The following NTRK2 variants were observed in gnomAD, a reference collection of about 807,000 sequenced individuals.
NTRK2 encodes the protein BDNF/NT-3 growth factors receptor.
NTRK2 carries 13 observed loss-of-function variants against 94.5 expected under a neutral mutation model. That is an observed-to-expected ratio of 0.14 (90% CI 0.09 to 0.22). The LOEUF (loss-of-function observed/expected upper bound fraction) is 0.22. Ranked by LOEUF, NTRK2 falls within the 10% of genes least tolerant of loss-of-function variation. The pLI, the probability that NTRK2 is intolerant of heterozygous loss-of-function variation, is 1.00. For missense variants in NTRK2, 639 were observed against 1,071.2 expected, an observed-to-expected ratio of 0.60 and a Z score of 5.63; for synonymous variants, 372 against 407.4, an observed-to-expected ratio of 0.91 and a Z score of 1.05.
intron 12 of NTRK2, among the ~76,000 whole-genome samples, chr9:84,842,063 T>C (rs2074215978): frequency 6.6e-6 from 1 of 152,190 alleles, no homozygotes; most frequent in Non-Finnish European, 1.5e-5. Context: ...CTCCAGAAGT[T>C]TGATGACACA....
At position 84,861,029 on chromosome 9, in the gene NTRK2, G is replaced by A; in HGVS notation, c.1397-11G>A. 1 of 1,612,648 alleles carries A rather than the reference G, an allele frequency of 6.2e-7. No homozygotes were observed. The highest frequency in any genetic ancestry group is 8.5e-7 in the Non-Finnish European group (1 of 1,179,120). Reference sequence around the variant, plus strand: ...TTCGAAGTTTATTTTATGTTTTGTTGTGGTTTTCAGATTTCTCATGGTTTG... The same window carrying A: ...TTCGAAGTTTATTTTATGTTTTGTTATGGTTTTCAGATTTCTCATGGTTTG... On this transcript the variant is annotated splice_polypyrimidine_tract_variant and intron_variant, in intron 12 of 18. Coordinates refer to ENST00000277120, the MANE Select transcript of NTRK2 (RefSeq NM_006180.6).
chr9:84,931,064 A>G (rs1402917720), intron 14 of NTRK2, among the ~76,000 whole-genome samples: 4 of 152,242 alleles, frequency 2.6e-5, no homozygotes, highest in Admixed American at 6.5e-5. Flanking sequence ...AGGCCCTGTC[A>G]GGAATACAAA....
intron 12 of NTRK2, among the ~76,000 whole-genome samples, chr9:84,769,292 T>G (rs1204912463): frequency 6.6e-6 from 1 of 152,184 alleles, no homozygotes; most frequent in Non-Finnish European, 1.5e-5. Context: ...ATATCTCACA[T>G]TTCTATAATC....
chr9:84,856,200 A>G (rs1291709030), intron 12 of NTRK2, among the ~76,000 whole-genome samples: 1 of 152,156 alleles, frequency 6.6e-6, no homozygotes, highest in Admixed American at 6.5e-5. Context: ...AGCCAAGTGA[A>G]AGTTGGTCAG....
In NTRK2 at chr9:84,698,136, T is replaced by C. The variant is rs148430998; in HGVS notation, c.213-4023T>C. ...ATGGTATAAATAGTTTCTGTGTATG[T>C]GTGTGTGTGTGTGTAACCCCAGACC... On this transcript the variant is annotated intron_variant, in intron 2 of 18. Transcript: ENST00000277120. Among the ~76,000 whole-genome samples the C allele has an allele frequency of 3.3e-5, 5 of 149,770 alleles. No individual in the cohort carries two copies. In the East Asian group the frequency reaches 9.7e-4, roughly 29 times the overall value.
Position 84,807,662 on chromosome 9 carries a change from GT to G in NTRK2, c.1397-53376del, listed in dbSNP as rs536664825. 2.6e-5 allele frequency among the ~76,000 whole-genome samples: 4 copies of G among 152,188 alleles called. No homozygotes were observed. In the South Asian group the frequency reaches 8.3e-4, roughly 32 times the overall value. On this transcript the variant is annotated intron_variant, in intron 12 of 18. Coordinates refer to ENST00000277120, the MANE Select transcript of NTRK2 (RefSeq NM_006180.6). Reference sequence around the variant, plus strand: ...AAACCCACAAGATGTTCAGCCATTTGTTGTGGTCTAAAAACTTTCCCCCTCA... The same window carrying G: ...AAACCCACAAGATGTTCAGCCATTTGTGTGGTCTAAAAACTTTCCCCCTCA...
intron 14 of NTRK2, among the ~76,000 whole-genome samples, chr9:84,870,632 A>G (rs1386824098): frequency 6.6e-6 from 1 of 151,888 alleles, no homozygotes; most frequent in Non-Finnish European, 1.5e-5. Context: ...GAATGCAGGC[A>G]TGAGCCCCAT....
At chr9:84,932,673 C>G (rs2132703775) in intron 14 of NTRK2, among the ~76,000 whole-genome samples, 1 of 152,228 alleles carries the variant, frequency 6.6e-6, no homozygotes, top group South Asian at 2.1e-4. Flanking sequence ...CGGTCTTAAC[C>G]TTGGGAGCTT....
At chr9:84,892,309 G>A (rs1359437534) in intron 14 of NTRK2, among the ~76,000 whole-genome samples, 1 of 152,150 alleles carries the variant, frequency 6.6e-6, no homozygotes, top group Non-Finnish European at 1.5e-5. Context: ...GATTGCCTTA[G>A]CTCTGTCTCT....
At chr9:84,790,877 G>T (rs928336215) in intron 12 of NTRK2, among the ~76,000 whole-genome samples, 6 of 152,166 alleles carry the variant, frequency 3.9e-5, no homozygotes, top group African/African-American at 1.4e-4. Context: ...TGGCTATAAC[G>T]TGGATTTTAA....
chr9:85,026,136 AAAAAT>A lies in NTRK2; in HGVS notation c.*4701_*4705del. ...CACAAACACAAAGCAAAGCAAAAAA[AAAAAT>A]ATATATATATATATCTGTATATGTG... On this transcript the variant is annotated 3_prime_UTR_variant, in exon 19 of 19. Coordinates refer to ENST00000277120, the MANE Select transcript of NTRK2 (RefSeq NM_006180.6). 2 of 207,362 alleles carry A rather than the reference AAAAAT, an allele frequency of 9.6e-6. No homozygotes were observed. The highest frequency in any genetic ancestry group is 1.9e-4 in the South Asian group (1 of 5,150). The allele number at this position is 207,362 out of a possible 1,614,324, so 12.8% of individuals were successfully genotyped here.
chr9:85,004,063 GGA>G (rs1379351119), intron 17 of NTRK2, among the ~76,000 whole-genome samples: 2 of 65,708 alleles, frequency 3.0e-5, no homozygotes, highest in Admixed American at 1.6e-4. Flanking sequence ...GAGAAAGAAA[GGA>G]GAGAGAGAGA....
At chr9:84,799,905 ATTAAT>A (rs2070187603) in intron 12 of NTRK2, among the ~76,000 whole-genome samples, 1 of 152,234 alleles carries the variant, frequency 6.6e-6, no homozygotes, top group African/African-American at 2.4e-5. Flanking sequence ...CAAGTCCCTA[ATTAAT>A]TTATTTTATG....
At chr9:84,782,742 T>TTTACCTCA (rs1372368511) in intron 12 of NTRK2, among the ~76,000 whole-genome samples, 1 of 152,176 alleles carries the variant, frequency 6.6e-6, no homozygotes. Context: ...CCTCAGCATT[T>TTTACCTCA]GTGAGAGATT....
chr9:84,898,709 C>T (rs922108733), intron 14 of NTRK2, among the ~76,000 whole-genome samples: 1 of 151,554 alleles, frequency 6.6e-6, no homozygotes, highest in Non-Finnish European at 1.5e-5. Context: ...CAGAGTCTCG[C>T]TCTTTTTTTC....
At chr9:84,673,958 T>C (rs2058865494) in intron 2 of NTRK2, among the ~76,000 whole-genome samples, 1 of 152,256 alleles carries the variant, frequency 6.6e-6, no homozygotes, top group Non-Finnish European at 1.5e-5. Context: ...CAATGTCACA[T>C]GCAATGGAAT....
At chr9:84,821,858 G>C (rs2072869605) in intron 12 of NTRK2, among the ~76,000 whole-genome samples, 1 of 151,118 alleles carries the variant, frequency 6.6e-6, no homozygotes, top group South Asian at 2.1e-4. Context: ...AGAGAAGAGA[G>C]AATGTGTGTA....
At chr9:84,730,512 G>A (rs936151725) in intron 9 of NTRK2, among the ~76,000 whole-genome samples, 1 of 129,218 alleles carries the variant, frequency 7.7e-6, no homozygotes, top group Admixed American at 7.6e-5. Flanking sequence ...AGGCCGAGGC[G>A]GGCGGATCAC....
chr9:84,764,158 T>C (rs775049985), intron 12 of NTRK2, among the ~76,000 whole-genome samples: 1 of 152,168 alleles, frequency 6.6e-6, no homozygotes, highest in African/African-American at 2.4e-5. Context: ...TCAGTGGAAG[T>C]TGGATCACCT....
Sources: gnomAD v4.1 joint callset for allele counts (sites outside exome capture counted in the v4.1 genomes callset) on GRCh38, gnomAD v4.1.1 for gene constraint, MANE v1.5 for transcripts, NCBI Gene and HGNC (gene_info 2026-07-23, HGNC 2026-07-21) for gene names.